PCDHGA12: variants seen among roughly 807,000 people sequenced by gnomAD.
PCDHGA12 encodes protocadherin gamma subfamily A, 12.
Under a neutral mutation model 61.1 loss-of-function variants are expected in PCDHGA12, and 43 were observed. The observed-to-expected ratio is 0.70, with a 90% CI of 0.55 to 0.91. The LOEUF (loss-of-function observed/expected upper bound fraction) is 0.91. Among genes scored for constraint, PCDHGA12 ranks in the 40% least tolerant of loss-of-function variants. PCDHGA12 has a pLI of 0.00. For missense variants in PCDHGA12, 1,236 were observed against 1,227.7 expected (o/e 1.01, Z -0.10); for synonymous variants, 520 against 542.9 (o/e 0.96, Z 0.59).
intron 2 of PCDHGA12, among the ~76,000 whole-genome samples, chr5:141,503,269 C>A (rs1161751693): frequency 6.6e-6 from 1 of 152,116 alleles, no homozygotes; most frequent in Non-Finnish European, 1.5e-5. Context: ...ACCCCAGCAC[C>A]TGGCTCTGTG....
intron 1 of PCDHGA12, among the ~76,000 whole-genome samples, chr5:141,471,076 T>C (rs1463083616): frequency 1.5e-5 from 2 of 136,094 alleles, no homozygotes; most frequent in Non-Finnish European, 3.1e-5. Context: ...TGAGACAGGG[T>C]CTCCCTCTGT....
intron 1 of PCDHGA12, among the ~76,000 whole-genome samples, chr5:141,439,537 C>T (rs1404605731): frequency 6.6e-6 from 1 of 152,206 alleles, no homozygotes; most frequent in African/African-American, 2.4e-5. Flanking sequence ...GAACGCTGTC[C>T]TCTCATTTCT....
At chr5:141,497,465 G>A (rs189158903) in intron 2 of PCDHGA12, among the ~76,000 whole-genome samples, 1 of 152,024 alleles carries the variant, frequency 6.6e-6, no homozygotes, top group East Asian at 1.9e-4. Flanking sequence ...TTGGAGATAT[G>A]GAGGAGAAGG....
At chr5:141,480,698 C>T (rs1394538159) in intron 1 of PCDHGA12, among the ~76,000 whole-genome samples, 1 of 152,198 alleles carries the variant, frequency 6.6e-6, no homozygotes, top group Admixed American at 6.5e-5. Context: ...ACCCAGGCCA[C>T]ACCCCGACAA....
chr5:141,442,650 G>A (rs192694987), intron 1 of PCDHGA12, among the ~76,000 whole-genome samples: 83 of 152,350 alleles, frequency 5.4e-4, no homozygotes, highest in Admixed American at 9.1e-4. Flanking sequence ...CCTAAGATGA[G>A]AAATATTTGG....
chr5:141,511,328 A>G lies in PCDHGA12; in HGVS notation c.*155A>G. On this transcript the variant is annotated 3_prime_UTR_variant, in exon 4 of 4. Transcript: ENST00000252085. Reference sequence around the variant, plus strand: ...CCTTGGGAAACAGAAACAAGTGCCCAGTCAGCACCTACCCCTTCCCCCCCA... The same window carrying G: ...CCTTGGGAAACAGAAACAAGTGCCCGGTCAGCACCTACCCCTTCCCCCCCA... The G allele has an allele frequency of 6.9e-7, 1 of 1,456,862 alleles. No individual in the cohort carries two copies. Among genetic ancestry groups the G allele is most frequent in the Non-Finnish European group, 9.1e-7 (1 of 1,093,622 alleles). 90.2% of individuals were successfully genotyped at this position (1,456,862 alleles called of 1,614,324 possible).
In PCDHGA12 at chr5:141,503,243, C is replaced by T. The variant is rs146741382; in HGVS notation, c.2484-2150C>T. Among the ~76,000 whole-genome samples the T allele has an allele frequency of 3.1e-4, 47 of 152,198 alleles. No individual in the cohort carries two copies. The East Asian group carries it at 8.9e-3, about 29-fold the overall frequency. ...CACCGTAAAGATGGACAGTTTCTAT[C>T]ATACTCACAGCCACAACCCCAGCAC... On this transcript the variant is annotated intron_variant, in intron 2 of 3. Coordinates refer to ENST00000252085, the MANE Select transcript of PCDHGA12 (RefSeq NM_003735.3).
chr5:141,441,819 G>A (rs1040935030), intron 1 of PCDHGA12: 6 of 359,092 alleles, frequency 1.7e-5, no homozygotes, highest in Non-Finnish European at 3.3e-5. Context: ...CCCCAGCTCT[G>A]GAGCGCAATG....
At chr5:141,478,161 C>T (rs201111122) in intron 1 of PCDHGA12, 20 of 1,613,852 alleles carry the variant, frequency 1.2e-5, no homozygotes, top group Admixed American at 3.3e-5. Context: ...TCTGGCTCTG[C>T]CCCCCGGGAG....
chr5:141,494,745 G>C, intron 1 of PCDHGA12, 62 bp from the exon 2 acceptor site: 1 of 1,612,802 alleles, frequency 6.2e-7, no homozygotes, highest in Middle Eastern at 1.7e-4. Flanking sequence ...ATCCCTAGGG[G>C]CTCGGGTGAC....
At chr5:141,492,237 C>G (rs2099738580) in intron 1 of PCDHGA12, among the ~76,000 whole-genome samples, 1 of 152,206 alleles carries the variant, frequency 6.6e-6, no homozygotes, top group Admixed American at 6.5e-5. Flanking sequence ...TCCCTGCTGG[C>G]CACCCCCACG....
intron 1 of PCDHGA12, among the ~76,000 whole-genome samples, chr5:141,464,132 G>A (rs1432411937): frequency 6.6e-6 from 1 of 152,076 alleles, no homozygotes; most frequent in Non-Finnish European, 1.5e-5. Flanking sequence ...GGGTGTGGTG[G>A]TGGGCGCCTG....
At position 141,430,689 on chromosome 5, in the gene PCDHGA12, T is replaced by A; in HGVS notation, c.-71T>A. ...CTGACTTCCCAACTGTCCCATTCTA[T>A]GGGCGAAGGAACTGCTCCTGACTTC... On this transcript the variant is annotated 5_prime_UTR_variant, in exon 1 of 4. The change abolishes an upstream ATG in the 5' untranslated region. Transcript: ENST00000252085. 7.1e-7 allele frequency: 1 copy of A among 1,408,998 alleles called. No homozygotes were observed. Among genetic ancestry groups the A allele is most frequent in the Non-Finnish European group, 9.4e-7 (1 of 1,058,748 alleles). 87.3% of individuals were successfully genotyped at this position (1,408,998 alleles called of 1,614,324 possible).
At chr5:141,463,844 G>T (rs545618795) in intron 1 of PCDHGA12, among the ~76,000 whole-genome samples, 1 of 152,140 alleles carries the variant, frequency 6.6e-6, no homozygotes, top group African/African-American at 2.4e-5. Context: ...AGTTGTTATA[G>T]TGGTATATCT....
Position 141,487,650 on chromosome 5 carries a change from G to T in PCDHGA12, c.2425-7157G>T, listed in dbSNP as rs772715932. The T allele has an allele frequency of 6.8e-6, 11 of 1,613,876 alleles. No individual in the cohort carries two copies. Among genetic ancestry groups the T allele is most frequent in the Admixed American group, 1.7e-5 (1 of 59,978 alleles). On this transcript the variant is annotated intron_variant, in intron 1 of 3. Coordinates refer to ENST00000252085, the MANE Select transcript of PCDHGA12 (RefSeq NM_003735.3). This position sits in a 1 kb window ranked among gnomAD's most constrained non-coding sequence, Gnocchi z 5.0. ...TTGCAGGCTCAACAAATGCTTGAGG[G>T]TTATTCTGATCCAGGCATATGGCTA...
chr5:141,442,232 T>A (rs1303447766), intron 1 of PCDHGA12: 2 of 153,276 alleles, frequency 1.3e-5, no homozygotes, highest in Non-Finnish European at 2.9e-5. Context: ...TTCCTTTTTA[T>A]TCTTCCTGAT....
chr5:141,490,938 C>A lies in PCDHGA12; in HGVS notation c.2425-3869C>A. 1.2e-6 allele frequency: 2 copies of A among 1,613,672 alleles called. No individual in the cohort carries two copies. Among genetic ancestry groups the A allele is most frequent in the Non-Finnish European group, 1.7e-6 (2 of 1,179,760 alleles). On this transcript the variant is annotated intron_variant, in intron 1 of 3. Coordinates refer to ENST00000252085, the MANE Select transcript of PCDHGA12 (RefSeq NM_003735.3). The surrounding 1 kb of genome is among the most constrained non-coding windows in gnomAD (Gnocchi z 5.4). ...ATGATAATGCCCCAGCTGTGCTGCA[C>A]CCACGGCCAGACTGGGAACACTCAG... is the stretch of plus-strand genomic sequence containing the variant.
In PCDHGA12 at chr5:141,485,935, C is replaced by T. The variant is rs2099621642; in HGVS notation, c.2425-8872C>T. The T allele has an allele frequency of 6.2e-7, 1 of 1,614,026 alleles. No homozygotes were observed. Among genetic ancestry groups the T allele is most frequent in the Non-Finnish European group, 8.5e-7 (1 of 1,180,038 alleles). On this transcript the variant is annotated intron_variant, in intron 1 of 3. Coordinates refer to ENST00000252085, the MANE Select transcript of PCDHGA12 (RefSeq NM_003735.3). The surrounding 1 kb of genome is among the most constrained non-coding windows in gnomAD (Gnocchi z 5.7). Reference sequence around the variant, plus strand: ...GCTACAGGATTAGTGTGTTGGAGAGCGCACCAGCGGGCATGGTGCTCATCC... The same window carrying T: ...GCTACAGGATTAGTGTGTTGGAGAGTGCACCAGCGGGCATGGTGCTCATCC...
At position 141,490,597 on chromosome 5, in the gene PCDHGA12, C is replaced by G. The variant is rs781077720; in HGVS notation, c.2425-4210C>G. 1 of 1,614,182 alleles carries G rather than the reference C, an allele frequency of 6.2e-7. No homozygotes were observed. On this transcript the variant is annotated intron_variant, in intron 1 of 3. Transcript: ENST00000252085. This position sits in a 1 kb window ranked among gnomAD's most constrained non-coding sequence, Gnocchi z 5.4. ...TTCAGATGTCAATGACAATGCACCC[C>G]GCTTCAACCAGCAGCTTTACACTGC...
Sources: gnomAD v4.1 joint callset for allele counts (sites outside exome capture counted in the v4.1 genomes callset) on GRCh38, gnomAD v4.1.1 for gene constraint, Gnocchi (gnomAD v3.1) non-coding constraint, MANE v1.5 for transcripts, NCBI Gene and HGNC (gene_info 2026-07-23, HGNC 2026-07-21) for gene names.